The following ASPH variants were observed in gnomAD, a reference collection of about 807,000 sequenced individuals.
The protein encoded by ASPH is aspartate beta-hydroxylase.
Under a neutral mutation model 118.4 loss-of-function variants are expected in ASPH, and 100 were observed. The ratio of observed to expected loss-of-function variants is 0.84; its 90% CI spans 0.72 to 1.00. ASPH has a LOEUF of 1.00. ASPH is among the 50% of genes least tolerant of loss of function. The pLI is 0.00. For missense variants in ASPH, 920 were observed against 919.5 expected (o/e 1.00, Z -0.01); for synonymous variants, 315 against 325.6 (o/e 0.97, Z 0.35).
rs760582148 is a variant in ASPH at position 61,517,575 on chromosome 8, C to T, written c.2079G>A (p.Leu693=). 1.2e-6 allele frequency: 2 copies of T among 1,614,008 alleles called. No individual in the cohort carries two copies. The highest frequency in any genetic ancestry group is 1.7e-6 in the Non-Finnish European group (2 of 1,179,986). Residue 693 remains leucine, a synonymous_variant, in exon 24 of 25, where the codon TTG becomes TTA. Coordinates refer to ENST00000379454, the MANE Select transcript of ASPH (RefSeq NM_004318.4). ...TNCRLRMHLG[L]VIPKEGCKIR... is the part of the protein sequence containing the mutation. ...TCTTGCAGCCTTCCTTGGGAATCAC[C>T]AAGCCCAGGTGCATTCGGAGCCTGC...
intron 8 of ASPH, 91 bp downstream of exon 8, chr8:61,643,854 G>T: frequency 2.1e-6 from 2 of 962,186 alleles, no homozygotes; most frequent in Non-Finnish European, 1.6e-6. Flanking sequence ...GGATCTCTGT[G>T]TTGAATCACA....
chr8:61,668,108 C>A (rs906468928), intron 3 of ASPH: 1 of 902,702 alleles, frequency 1.1e-6, no homozygotes, highest in Non-Finnish European at 1.7e-6. Context: ...CTAAGTTGCA[C>A]CCAAGCAAGA....
chr8:61,540,468 G>C (rs1821437545), intron 21 of ASPH, among the ~76,000 whole-genome samples: 1 of 152,112 alleles, frequency 6.6e-6, no homozygotes, highest in African/African-American at 2.4e-5. Context: ...AAAGCTTCCT[G>C]TGGCCTCCCT....
At chr8:61,584,441 G>T (rs747783473) in intron 14 of ASPH, among the ~76,000 whole-genome samples, 3 of 152,066 alleles carry the variant, frequency 2.0e-5, no homozygotes, top group Non-Finnish European at 4.4e-5. Context: ...GATGAAAATG[G>T]AAGGCTCCTC....
intron 14 of ASPH, among the ~76,000 whole-genome samples, chr8:61,598,314 G>A (rs1451936891): frequency 6.6e-6 from 1 of 151,998 alleles, no homozygotes; most frequent in Non-Finnish European, 1.5e-5. Flanking sequence ...GACAGAAAAA[G>A]ATATGCAGGC....
chr8:61,524,614 C>T (rs1276408142), intron 22 of ASPH, among the ~76,000 whole-genome samples: 1 of 152,150 alleles, frequency 6.6e-6, no homozygotes, highest in Non-Finnish European at 1.5e-5. Flanking sequence ...CATGGAAAAT[C>T]AGGTATATTC....
At position 61,525,972 on chromosome 8, in the gene ASPH, C is replaced by T; in HGVS notation, c.1900+5G>A. 2 of 1,613,664 alleles carry T rather than the reference C, an allele frequency of 1.2e-6. No homozygotes were observed. The highest frequency in any genetic ancestry group is 1.7e-6 in the Non-Finnish European group (2 of 1,179,858). On this transcript the variant is annotated splice_donor_5th_base_variant and intron_variant, in intron 22 of 24. Transcript: ENST00000379454. ...CAGAGAACCATCTAGAAGTCAGAAA[C>T]TCACCTTGCTGCCACAGCGTGAACT...
chr8:61,679,666 G>T (rs1427048644), intron 3 of ASPH, among the ~76,000 whole-genome samples: 2 of 151,746 alleles, frequency 1.3e-5, no homozygotes, highest in African/African-American at 4.8e-5. Context: ...AAAATAAAAA[G>T]CTTTGCTATT....
intron 22 of ASPH, among the ~76,000 whole-genome samples, chr8:61,522,035 G>GA (rs1813272402): frequency 6.6e-6 from 1 of 152,048 alleles, no homozygotes; most frequent in African/African-American, 2.4e-5. Context: ...GGCTCTGGAA[G>GA]AAAAAAATGA....
At chr8:61,618,760 C>A (rs541130333) in intron 14 of ASPH, among the ~76,000 whole-genome samples, 1 of 152,288 alleles carries the variant, frequency 6.6e-6, no homozygotes, top group African/African-American at 2.4e-5. Context: ...AATGTCAAAA[C>A]TAGAATTAGA....
chr8:61,554,956 C>G (rs906060437), intron 19 of ASPH, among the ~76,000 whole-genome samples: 2 of 152,136 alleles, frequency 1.3e-5, no homozygotes, highest in African/African-American at 4.8e-5. Flanking sequence ...TCAAGTGATT[C>G]TCCCACCTTG....
At chr8:61,522,294 A>T (rs1213113797) in intron 22 of ASPH, among the ~76,000 whole-genome samples, 1 of 152,216 alleles carries the variant, frequency 6.6e-6, no homozygotes, top group East Asian at 1.9e-4. Flanking sequence ...ACAAGCAAAT[A>T]CCACAGACTG....
At chr8:61,626,664 T>G (rs1294024771) in intron 13 of ASPH, among the ~76,000 whole-genome samples, 1 of 151,776 alleles carries the variant, frequency 6.6e-6, no homozygotes, top group Non-Finnish European at 1.5e-5. Flanking sequence ...CTGGACACTA[T>G]AAGCTGCATT....
chr8:61,639,582 TTCAAAG>T (rs1804101963), intron 10 of ASPH, among the ~76,000 whole-genome samples: 1 of 152,206 alleles, frequency 6.6e-6, no homozygotes, highest in Admixed American at 6.5e-5. Context: ...GCTGGCTTTC[TTCAAAG>T]TCCAGCCATA....
At chr8:61,624,890 G>A (rs571348175) in intron 13 of ASPH, 9 of 985,466 alleles carry the variant, frequency 9.1e-6, no homozygotes, top group Non-Finnish European at 1.1e-5. Flanking sequence ...CACAGCTTTA[G>A]AAAATTATTG....
At chr8:61,532,080 T>A (rs1257374825) in intron 21 of ASPH, among the ~76,000 whole-genome samples, 1 of 152,204 alleles carries the variant, frequency 6.6e-6, no homozygotes, top group Non-Finnish European at 1.5e-5. Context: ...AATTGTATAA[T>A]AATTCTATTT....
intron 13 of ASPH, among the ~76,000 whole-genome samples, chr8:61,621,576 T>A (rs896689667): frequency 1.2e-4 from 19 of 152,222 alleles, no homozygotes; most frequent in African/African-American, 3.6e-4. Flanking sequence ...ACGTATTATA[T>A]ACAGGCATTG....
chr8:61,619,556 G>T (rs1850176497), intron 13 of ASPH, among the ~76,000 whole-genome samples: 1 of 152,156 alleles, frequency 6.6e-6, no homozygotes, highest in African/African-American at 2.4e-5. Flanking sequence ...AGCCAGAGAT[G>T]AACCCAAGAC....
chr8:61,515,506 C>T (rs1810575826), intron 24 of ASPH, among the ~76,000 whole-genome samples: 1 of 152,160 alleles, frequency 6.6e-6, no homozygotes, highest in Non-Finnish European at 1.5e-5. Context: ...GGAACCTTTT[C>T]ATTTCTGTCA....
Sources: gnomAD v4.1 joint callset for allele counts (sites outside exome capture counted in the v4.1 genomes callset) on GRCh38, gnomAD v4.1.1 for gene constraint, MANE v1.5 for transcripts, NCBI Gene and HGNC (gene_info 2026-07-23, HGNC 2026-07-21) for gene names.